Variants in PTPRM observed in about 807,000 individuals in gnomAD.
The protein encoded by PTPRM is protein tyrosine phosphatase receptor type M.
Under a neutral mutation model 186.7 loss-of-function variants are expected in PTPRM, and 47 were observed. The observed-to-expected ratio is 0.25, with a 90% CI of 0.20 to 0.32. The LOEUF is 0.32. PTPRM is among the 10% of genes least tolerant of loss of function. PTPRM has a pLI of 1.00. For synonymous variants in PTPRM, 668 were observed against 674.9 expected, an observed-to-expected ratio of 0.99 and a Z score of 0.16; for missense variants, 1,494 against 1,865.0, an observed-to-expected ratio of 0.80 and a Z score of 3.66.
At chr18:7,859,558 C>T (rs1047302915) in intron 2 of PTPRM, among the ~76,000 whole-genome samples, 1 of 152,238 alleles carries the variant, frequency 6.6e-6, no homozygotes, top group Admixed American at 6.5e-5. Context: ...GACCCCCAGG[C>T]ACCTCTGGCC....
chr18:8,056,084 A>G (rs950904421), intron 7 of PTPRM, among the ~76,000 whole-genome samples: 1 of 152,206 alleles, frequency 6.6e-6, no homozygotes, highest in African/African-American at 2.4e-5. Context: ...CCATTCTGTT[A>G]TAATCAGAAA....
chr18:7,916,950 G>A (rs920428641), intron 4 of PTPRM, among the ~76,000 whole-genome samples: 7 of 151,982 alleles, frequency 4.6e-5, no homozygotes, highest in South Asian at 2.1e-4. Context: ...GTCCCTCTAC[G>A]CCCTACCTTT....
intron 2 of PTPRM, among the ~76,000 whole-genome samples, chr18:7,793,198 T>C (rs1196460404): frequency 1.3e-5 from 2 of 152,168 alleles, no homozygotes; most frequent in Admixed American, 6.5e-5. Context: ...ATATGCCCAA[T>C]AGGAAGGCAG....
intron 1 of PTPRM, chr18:7,747,608 G>A (rs1330159524): frequency 2.0e-5 from 3 of 152,256 alleles, no homozygotes; most frequent in Non-Finnish European, 4.4e-5. Flanking sequence ...GGCTTTGTAG[G>A]TGCATCACTC....
At chr18:8,366,627 A>T (rs1298086218) in intron 23 of PTPRM, among the ~76,000 whole-genome samples, 2 of 152,162 alleles carry the variant, frequency 1.3e-5, no homozygotes, top group Non-Finnish European at 2.9e-5. Flanking sequence ...CTGGAGTTAT[A>T]GCGTTTCTGT....
At chr18:7,754,691 C>T (rs2041386407) in intron 1 of PTPRM, 1 of 152,182 alleles carries the variant, frequency 6.6e-6, no homozygotes, top group Admixed American at 6.5e-5. Context: ...GGTCTGTTCT[C>T]TCAAGAAATA....
chr18:8,355,439 C>G (rs1380081499), intron 23 of PTPRM, among the ~76,000 whole-genome samples: 1 of 152,026 alleles, frequency 6.6e-6, no homozygotes, highest in Non-Finnish European at 1.5e-5. Context: ...TCAGTATGAA[C>G]CAGGGGAGAT....
rs1221319350 is a variant in PTPRM, at chr18:8,279,081, A to AAT, written c.2755-17273_2755-17272dup. On this transcript the variant is annotated intron_variant, in intron 19 of 32. Coordinates refer to ENST00000580170, the MANE Select transcript of PTPRM (RefSeq NM_001105244.2). ...ACCCTAGAACTTAAAGTATAATACA[A>AAT]ATATATATATATATAAACAAAACAA... 2.7e-3 allele frequency among the ~76,000 whole-genome samples: 405 copies of AAT among 151,122 alleles called. 1 individual carries two copies. Among genetic ancestry groups the AAT allele is most frequent in the African/African-American group, 8.0e-3 (331 of 41,250 alleles).
At chr18:8,229,279 A>G (rs1350510548) in intron 14 of PTPRM, among the ~76,000 whole-genome samples, 1 of 152,164 alleles carries the variant, frequency 6.6e-6, no homozygotes, top group East Asian at 1.9e-4. Flanking sequence ...ATGTTTGCCC[A>G]GGAGCATAGT....
chr18:8,154,291 T>C (rs2093073751), intron 14 of PTPRM, among the ~76,000 whole-genome samples: 1 of 152,364 alleles, frequency 6.6e-6, no homozygotes, highest in Admixed American at 6.5e-5. Flanking sequence ...AAGCAAATGC[T>C]GTGAAACTTT....
At chr18:8,299,605 A>G (rs190565559) in intron 20 of PTPRM, among the ~76,000 whole-genome samples, 19 of 152,100 alleles carry the variant, frequency 1.2e-4, no homozygotes, top group African/African-American at 4.1e-4. Flanking sequence ...ACAAAAAAAA[A>G]GGAAGATAAT....
At chr18:8,028,774 T>A (rs1010662768) in intron 7 of PTPRM, among the ~76,000 whole-genome samples, 4 of 152,190 alleles carry the variant, frequency 2.6e-5, no homozygotes, top group Admixed American at 2.6e-4. Flanking sequence ...GCTGGCTGAA[T>A]AACAATAGCA....
intron 1 of PTPRM, among the ~76,000 whole-genome samples, chr18:7,755,780 T>C (rs2041456219): frequency 6.6e-6 from 1 of 152,222 alleles, no homozygotes; most frequent in South Asian, 2.1e-4. Context: ...TATTTTGCAC[T>C]GGTCCTTTAC....
intron 2 of PTPRM, among the ~76,000 whole-genome samples, chr18:7,820,658 G>A (rs559671100): frequency 6.6e-6 from 1 of 152,066 alleles, no homozygotes; most frequent in African/African-American, 2.4e-5. Context: ...GTTCAGAAAT[G>A]TTTCCCTGGA....
chr18:8,130,886 T>C (rs1167872547), intron 13 of PTPRM, among the ~76,000 whole-genome samples: 1 of 152,226 alleles, frequency 6.6e-6, no homozygotes, highest in Non-Finnish European at 1.5e-5. Flanking sequence ...TCCATATCTG[T>C]AAAACAGGGA....
chr18:8,315,469 A>G (rs1355081469), intron 21 of PTPRM, among the ~76,000 whole-genome samples: 1 of 152,226 alleles, frequency 6.6e-6, no homozygotes, highest in Non-Finnish European at 1.5e-5. Flanking sequence ...TTAATGTTTT[A>G]CATTAGAATA....
intron 2 of PTPRM, among the ~76,000 whole-genome samples, chr18:7,795,810 C>CTTTTTT (rs397741769): frequency 5.1e-5 from 6 of 117,766 alleles, no homozygotes; most frequent in East Asian, 2.4e-4. Flanking sequence ...TTCTTTCTTT[C>CTTTTTT]TTTTTTTTTT....
At chr18:7,943,586 G>A (rs2052333852) in intron 5 of PTPRM, among the ~76,000 whole-genome samples, 2 of 152,130 alleles carry the variant, frequency 1.3e-5, no homozygotes. Context: ...TTACTGTTTT[G>A]CAGGTCAGAA....
At chr18:8,048,156 A>T (rs2087200916) in intron 7 of PTPRM, among the ~76,000 whole-genome samples, 1 of 152,182 alleles carries the variant, frequency 6.6e-6, no homozygotes, top group African/African-American at 2.4e-5. Flanking sequence ...TTGGTGGGAA[A>T]ATGGAGTTGA....
Sources: gnomAD v4.1 joint callset for allele counts (sites outside exome capture counted in the v4.1 genomes callset) on GRCh38, gnomAD v4.1.1 for gene constraint, MANE v1.5 for transcripts, NCBI Gene and HGNC (gene_info 2026-07-23, HGNC 2026-07-21) for gene names.